Variants in RIMBP2 observed in about 807,000 individuals in gnomAD.
RIMBP2 encodes the protein RIMS binding protein 2.
RIMBP2 carries 48 observed loss-of-function variants against 118.6 expected under a neutral mutation model. That is an observed-to-expected ratio of 0.40 (90% CI 0.32 to 0.51). RIMBP2 has a LOEUF of 0.51. Ranked by LOEUF, RIMBP2 falls within the 20% of genes least tolerant of loss-of-function variation. The pLI is 0.41. For synonymous variants in RIMBP2, 762 were observed against 742.9 expected, an observed-to-expected ratio of 1.03 and a Z score of -0.42; for missense variants, 1,551 against 1,768.3, an observed-to-expected ratio of 0.88 and a Z score of 2.20.
At chr12:130,692,968 G>A (rs1201401413) in intron 1 of RIMBP2, among the ~76,000 whole-genome samples, 1 of 151,944 alleles carries the variant, frequency 6.6e-6, no homozygotes, top group East Asian at 1.9e-4. Context: ...ACAAACAGGT[G>A]AGAGTTAGGG....
At chr12:130,609,128 A>C (rs1044106192) in intron 2 of RIMBP2, among the ~76,000 whole-genome samples, 1 of 152,174 alleles carries the variant, frequency 6.6e-6, no homozygotes, top group Non-Finnish European at 1.5e-5. Flanking sequence ...GCAAAAATGG[A>C]ATGGCCACGA....
chr12:130,439,679 ATG>A (rs142771441), intron 11 of RIMBP2, among the ~76,000 whole-genome samples: 955 of 40,946 alleles, frequency 0.023, 26 homozygotes, highest in African/African-American at 0.093. Flanking sequence ...TGGGGGGTGT[ATG>A]TGTTTTTGTG....
chr12:130,499,497 T>C (rs955580911), intron 4 of RIMBP2, among the ~76,000 whole-genome samples: 7 of 152,224 alleles, frequency 4.6e-5, no homozygotes, highest in Admixed American at 2.0e-4. Flanking sequence ...AGTCCTTATC[T>C]TGGCCTTCAA....
At chr12:130,591,472 C>T (rs1026325464) in intron 2 of RIMBP2, among the ~76,000 whole-genome samples, 1 of 152,188 alleles carries the variant, frequency 6.6e-6, no homozygotes, top group Non-Finnish European at 1.5e-5. Context: ...CATTCCCACT[C>T]ACCGAGTGAC....
intron 1 of RIMBP2, among the ~76,000 whole-genome samples, chr12:130,674,778 C>T (rs2064369300): frequency 6.6e-6 from 1 of 152,126 alleles, no homozygotes; most frequent in South Asian, 2.1e-4. Context: ...TTCCCCACCC[C>T]CGCCCCTGCA....
intron 2 of RIMBP2, among the ~76,000 whole-genome samples, chr12:130,574,980 C>CTACAATGCT (rs1176557309): frequency 4.0e-5 from 5 of 123,806 alleles, no homozygotes; most frequent in African/African-American, 1.3e-4. Context: ...CCACCCCCAC[C>CTACAATGCT]CCCAGACGCC....
chr12:130,567,934 T>C (rs1475792624), intron 2 of RIMBP2, among the ~76,000 whole-genome samples: 5 of 152,158 alleles, frequency 3.3e-5, no homozygotes, highest in Non-Finnish European at 7.3e-5. Context: ...TCAGTGCACC[T>C]TGGCCTGTCT....
Position 130,666,303 on chromosome 12 carries a change from C to T in RIMBP2, c.-351-37847G>A, listed in dbSNP as rs187818909. ...AGAGTCTAAAACATGGCACACCCCT[C>T]GCTTCTAAGGGGCTTGGCACAGGTC... On this transcript the variant is annotated intron_variant, in intron 1 of 22. Coordinates refer to ENST00000690449, the MANE Select transcript of RIMBP2 (RefSeq NM_001393629.1). Among the ~76,000 whole-genome samples the T allele has an allele frequency of 2.1e-4, 32 of 152,272 alleles. No homozygotes were observed. In the East Asian group the frequency reaches 6.2e-3, roughly 29 times the overall value.
At chr12:130,487,840 G>T (rs965941136) in intron 4 of RIMBP2, among the ~76,000 whole-genome samples, 1 of 152,046 alleles carries the variant, frequency 6.6e-6, no homozygotes, top group African/African-American at 2.4e-5. Context: ...GACAGCAAAG[G>T]TGAGGCCTCT....
At chr12:130,443,119 T>TTC (rs2078267037) in intron 10 of RIMBP2, among the ~76,000 whole-genome samples, 1 of 152,094 alleles carries the variant, frequency 6.6e-6, no homozygotes, top group South Asian at 2.1e-4. Flanking sequence ...GATTTTTGAT[T>TTC]AAGAATTAAA....
At chr12:130,497,679 T>C (rs988867415) in intron 4 of RIMBP2, among the ~76,000 whole-genome samples, 2 of 152,250 alleles carry the variant, frequency 1.3e-5, no homozygotes, top group African/African-American at 4.8e-5. Flanking sequence ...TTTTTTGTTT[T>C]GTTTTTTTGC....
chr12:130,693,088 T>C (rs957045079), intron 1 of RIMBP2, among the ~76,000 whole-genome samples: 19 of 152,222 alleles, frequency 1.2e-4, no homozygotes, highest in Admixed American at 9.8e-4. Context: ...AAGACACGAT[T>C]TGAACACAGA....
chr12:130,460,448 A>C (rs1353324186), intron 6 of RIMBP2, among the ~76,000 whole-genome samples: 1 of 152,140 alleles, frequency 6.6e-6, no homozygotes, highest in Non-Finnish European at 1.5e-5. Context: ...GAGCATTAAC[A>C]GCAGTGGTAG....
At chr12:130,592,008 C>T (rs571904557) in intron 2 of RIMBP2, among the ~76,000 whole-genome samples, 3 of 152,302 alleles carry the variant, frequency 2.0e-5, no homozygotes, top group East Asian at 3.9e-4. Flanking sequence ...GCCTGTTGGG[C>T]GGAAACTCTC....
chr12:130,477,051 A>C (rs961636269), intron 5 of RIMBP2, among the ~76,000 whole-genome samples: 3 of 152,224 alleles, frequency 2.0e-5, no homozygotes, highest in African/African-American at 7.2e-5. Context: ...CAAAGCCTCT[A>C]GAAATTACAA....
intron 1 of RIMBP2, among the ~76,000 whole-genome samples, chr12:130,698,341 C>T (rs2065674797): frequency 6.6e-6 from 1 of 152,192 alleles, no homozygotes; most frequent in African/African-American, 2.4e-5. Flanking sequence ...TCCCTGCTAC[C>T]GCTCCTAATG....
chr12:130,528,346 C>G (rs1415805965), intron 2 of RIMBP2, among the ~76,000 whole-genome samples: 1 of 152,066 alleles, frequency 6.6e-6, no homozygotes. Flanking sequence ...AATGCAGGAA[C>G]AAAAAACTAA....
At chr12:130,468,403 G>A (rs551862025) in intron 6 of RIMBP2, among the ~76,000 whole-genome samples, 1 of 152,330 alleles carries the variant, frequency 6.6e-6, no homozygotes, top group African/African-American at 2.4e-5. Flanking sequence ...GGCCTGAGAA[G>A]CCACTTTGCT....
chr12:130,681,536 T>G lies in RIMBP2; in HGVS notation c.-352+34686A>C, dbSNP rs538732068. Among the ~76,000 whole-genome samples the G allele has an allele frequency of 7.9e-5, 12 of 152,156 alleles. No homozygotes were observed. The South Asian group carries it at 2.5e-3, about 32-fold the overall frequency. On this transcript the variant is annotated intron_variant, in intron 1 of 22. Coordinates refer to ENST00000690449, the MANE Select transcript of RIMBP2 (RefSeq NM_001393629.1). ...ACCTCTATTCTACTTTTTGTTGATT[T>G]TTTTTAAAAAAATCAATCTCATATT...
Sources: gnomAD v4.1 joint callset for allele counts (sites outside exome capture counted in the v4.1 genomes callset) on GRCh38, gnomAD v4.1.1 for gene constraint, MANE v1.5 for transcripts, NCBI Gene and HGNC (gene_info 2026-07-23, HGNC 2026-07-21) for gene names.